PHEX: variants seen among roughly 807,000 people sequenced by gnomAD.
The protein encoded by PHEX is phosphate regulating endopeptidase X-linked.
In PHEX, 16 loss-of-function variants were observed where a neutral mutation model predicts 68.0. The ratio of observed to expected loss-of-function variants is 0.24; its 90% CI spans 0.16 to 0.36. The LOEUF (loss-of-function observed/expected upper bound fraction) is 0.36, where lower values mean the gene tolerates loss of function less well. Ranked by LOEUF, PHEX falls within the 10% of genes least tolerant of loss-of-function variation. PHEX has a pLI of 1.00. For missense variants in PHEX, 480 were observed against 575.5 expected, an observed-to-expected ratio of 0.83 and a Z score of 1.70; for synonymous variants, 208 against 205.1, an observed-to-expected ratio of 1.01 and a Z score of -0.12.
intron 20 of PHEX, among the ~76,000 whole-genome samples, chrX:22,232,218 G>A (rs1276301009): frequency 9.0e-6 from 1 of 111,611 alleles, no homozygotes; most frequent in Admixed American, 9.6e-5. Flanking sequence ...TACAATAAGA[G>A]CGATGAGGTG....
At chrX:22,055,800 T>C (rs1319895862) in intron 3 of PHEX, among the ~76,000 whole-genome samples, 1 of 112,024 alleles carries the variant, frequency 8.9e-6, no homozygotes, top group Non-Finnish European at 1.9e-5. Flanking sequence ...TCTCAGTTGA[T>C]CCACCTGCCT....
chrX:22,093,931 A>T (rs933593159), intron 6 of PHEX, 52 bp from the exon 7 acceptor site: 10 of 766,930 alleles, frequency 1.3e-5, no homozygotes, highest in Non-Finnish European at 2.0e-5. Context: ...TCTCTCAAAC[A>T]TATTTCCTAA....
chrX:22,237,817 ATGTGTCCTAGTTCAATTCACAC>A (rs1201771363), intron 20 of PHEX, among the ~76,000 whole-genome samples: 2 of 111,982 alleles, frequency 1.8e-5, no homozygotes, highest in African/African-American at 3.2e-5. Flanking sequence ...TTCCATATTT[ATGTGTCCTAGTTCAATTCACAC>A]TTGAAGACCA....
chrX:22,088,493 T>C (rs1490074333), intron 5 of PHEX, among the ~76,000 whole-genome samples: 1 of 111,613 alleles, frequency 9.0e-6, no homozygotes, highest in Non-Finnish European at 1.9e-5. Context: ...TTTTTTTCCA[T>C]TTTAACAGAT....
intron 3 of PHEX, among the ~76,000 whole-genome samples, chrX:22,049,171 C>T (rs574968764): frequency 1.3e-4 from 15 of 111,647 alleles, no homozygotes; most frequent in Admixed American, 5.7e-4. Flanking sequence ...TGCAATGGCA[C>T]GATCTCGGCT....
chrX:22,128,714 C>T (rs1228566793), intron 11 of PHEX, among the ~76,000 whole-genome samples: 1 of 111,162 alleles, frequency 9.0e-6, no homozygotes. Flanking sequence ...ACATATTCAA[C>T]TTTTTATTAT....
At chrX:22,068,063 C>T (rs1445673979) in intron 3 of PHEX, among the ~76,000 whole-genome samples, 7 of 110,695 alleles carry the variant, frequency 6.3e-5, no homozygotes, top group Non-Finnish European at 1.1e-4. Flanking sequence ...GTCTCGAACT[C>T]CTGACCTCAG....
At chrX:22,053,620 G>T (rs980935720) in intron 3 of PHEX, among the ~76,000 whole-genome samples, 6 of 111,829 alleles carry the variant, frequency 5.4e-5, no homozygotes, top group Admixed American at 1.9e-4. Flanking sequence ...GCTTATGAAT[G>T]AGCAGATGGA....
In PHEX at chrX:22,038,528, A is replaced by G; in HGVS notation, c.178A>G (p.Ile60Val). 2 of 1,176,242 alleles carry G rather than the reference A, an allele frequency of 1.7e-6. No homozygotes were observed. The highest frequency in any genetic ancestry group is 1.2e-6 in the Non-Finnish European group (1 of 863,188). Residue 60 changes from isoleucine (I) to valine (V), a missense_variant, in exon 2 of 22, where the codon ATC (isoleucine) becomes GTC (valine). Physicochemically the swap from Ile to Val is conservative, Grantham distance 29. Transcript: ENST00000379374. ...KQEYCLKPEC[I>V]EAAAAILSKV... ...GGAGTACTGCCTGAAGCCAGAATGCATCGAAGCGGGTAAGTCACAGTTTTC... is the reference window on the plus strand; with the variant it reads ...GGAGTACTGCCTGAAGCCAGAATGCGTCGAAGCGGGTAAGTCACAGTTTTC...
chrX:22,168,409 T>G lies in PHEX; in HGVS notation c.1482+20T>G. 1 of 1,059,724 alleles carries G rather than the reference T, an allele frequency of 9.4e-7. No individual in the cohort carries two copies. The highest frequency in any genetic ancestry group is 2.6e-4 in the Middle Eastern group (1 of 3,790). The allele number at this position is 1,059,724 out of a possible 1,213,427, so 87.3% of individuals were successfully genotyped here. A position where few individuals can be genotyped will look rare whatever the true frequency, so the allele number is the denominator to read the frequency against. ...AAAGCTGTAAGTGCTAAATTTACTGTACTTTTTTTTTTCTGGCAAGTTTTA... is the reference window on the plus strand; with the variant it reads ...AAAGCTGTAAGTGCTAAATTTACTGGACTTTTTTTTTTCTGGCAAGTTTTA... On this transcript the variant is annotated intron_variant, in intron 13 of 21. Transcript: ENST00000379374.
At chrX:22,190,381 C>T (rs975038897) in intron 14 of PHEX, 63 bp from the exon 15 acceptor site, 4 of 765,797 alleles carry the variant, frequency 5.2e-6, no homozygotes, top group Non-Finnish European at 8.2e-6. Flanking sequence ...CTGTGTTTGT[C>T]TTTGCTTCCC....
chrX:22,086,845 C>T (rs887032558), intron 5 of PHEX, among the ~76,000 whole-genome samples: 2 of 111,955 alleles, frequency 1.8e-5, no homozygotes, highest in African/African-American at 3.2e-5. Flanking sequence ...TTGGAGAAAA[C>T]ATTTATATTT....
Position 22,248,022 on chromosome X carries a change from T to G in PHEX, c.*69T>G. 2 of 762,936 alleles carry G rather than the reference T, an allele frequency of 2.6e-6. No individual in the cohort carries two copies. Among genetic ancestry groups the G allele is most frequent in the African/African-American group, 4.1e-5 (2 of 49,102 alleles). The allele number at this position is 762,936 out of a possible 1,213,427, so 62.9% of individuals were successfully genotyped here. ...CAGCGGAGGCTGCACTGAGCCTTCA[T>G]CGCCCATTGCTTTAGGCCTGGAGAC... is the stretch of plus-strand genomic sequence containing the variant. On this transcript the variant is annotated 3_prime_UTR_variant, in exon 22 of 22. Coordinates refer to ENST00000379374, the MANE Select transcript of PHEX (RefSeq NM_000444.6).
intron 12 of PHEX, among the ~76,000 whole-genome samples, chrX:22,152,813 ATGTG>A (rs1277684763): frequency 1.8e-5 from 2 of 111,667 alleles, no homozygotes; most frequent in Non-Finnish European, 3.8e-5. Flanking sequence ...ACTAACACAG[ATGTG>A]TGTATGTTTT....
chrX:22,093,054 T>G (rs1256606982), intron 6 of PHEX, among the ~76,000 whole-genome samples: 1 of 111,922 alleles, frequency 8.9e-6, no homozygotes, highest in East Asian at 2.8e-4. Context: ...CCAGCCTATT[T>G]AAGACTCTTT....
At chrX:22,129,502 G>T (rs191350616) in intron 11 of PHEX, among the ~76,000 whole-genome samples, 199 of 111,434 alleles carry the variant, frequency 1.8e-3, no homozygotes, top group African/African-American at 6.2e-3. Flanking sequence ...AAAGACCCAC[G>T]TTTATACTAG....
Position 22,239,625 on chromosome X carries a change from G to A in PHEX, c.2071-5708G>A, listed in dbSNP as rs761310253. On this transcript the variant is annotated intron_variant, in intron 20 of 21. Coordinates refer to ENST00000379374, the MANE Select transcript of PHEX (RefSeq NM_000444.6). ...GTATCAATAGCCGAACTGATCAAGC[G>A]GAAGAAAGGATATCAGAGATTGAAG... Among the ~76,000 whole-genome samples, 365 of 110,132 alleles carry A rather than the reference G, an allele frequency of 3.3e-3. 3 individuals are homozygous for A. Among genetic ancestry groups the A allele is most frequent in the African/African-American group, 0.011 (324 of 30,329 alleles).
chrX:22,179,680 C>T (rs188765216), intron 14 of PHEX, among the ~76,000 whole-genome samples: 6 of 111,730 alleles, frequency 5.4e-5, no homozygotes, highest in Admixed American at 4.8e-4. Context: ...CTGACAACTT[C>T]GGAATTTCCG....
chrX:22,038,426 G>A (rs778693021), intron 1 of PHEX, 43 bp from the exon 2 acceptor site: 2 of 870,312 alleles, frequency 2.3e-6, no homozygotes, highest in Admixed American at 2.2e-5. Context: ...ACCGGATGGT[G>A]GTCTGCTACA....
Sources: allele counts gnomAD v4.1 joint callset (sites outside exome capture counted in the v4.1 genomes callset), GRCh38; gene constraint gnomAD v4.1.1; transcripts MANE v1.5; gene names NCBI Gene and HGNC (gene_info 2026-07-23, HGNC 2026-07-21).